Variants in ARFIP1 observed in about 807,000 individuals in gnomAD.
The protein encoded by ARFIP1 is arfaptin-1.
In ARFIP1, 24 loss-of-function variants were observed where a neutral mutation model predicts 42.5. That is an observed-to-expected ratio of 0.57 (90% CI 0.41 to 0.80). ARFIP1 has a LOEUF of 0.80. Among genes scored for constraint, ARFIP1 ranks in the 30% least tolerant of loss-of-function variants. The pLI is 0.00. For missense variants in ARFIP1, 354 were observed against 434.0 expected (o/e 0.82, Z 1.64); for synonymous variants, 141 against 153.7 (o/e 0.92, Z 0.61).
chr4:152,879,097 A>T (rs1248022584), intron 5 of ARFIP1, among the ~76,000 whole-genome samples: 1 of 151,984 alleles, frequency 6.6e-6, no homozygotes, highest in Non-Finnish European at 1.5e-5. Context: ...GTAATACTTT[A>T]TCCCCTTCCG....
chr4:152,811,390 A>G (rs28493014), intron 1 of ARFIP1, among the ~76,000 whole-genome samples: 148,534 of 152,274 alleles, frequency 0.98, 72,506 homozygotes, highest in African/African-American at 1. Flanking sequence ...AGTGTGTGGT[A>G]TCTCTGAGGC....
chr4:152,794,275 G>T (rs779931709), intron 1 of ARFIP1, among the ~76,000 whole-genome samples: 8 of 152,122 alleles, frequency 5.3e-5, no homozygotes, highest in African/African-American at 1.9e-4. Context: ...CAATTTCTCC[G>T]TAGTCTCTTT....
At chr4:152,782,872 CT>C (rs530150369) in intron 1 of ARFIP1, among the ~76,000 whole-genome samples, 9 of 148,560 alleles carry the variant, frequency 6.1e-5, no homozygotes, top group African/African-American at 9.9e-5. Flanking sequence ...AGGTCTGATA[CT>C]TTTTTTTTTA....
chr4:152,878,783 C>G (rs1286296369), intron 5 of ARFIP1, among the ~76,000 whole-genome samples: 1 of 152,170 alleles, frequency 6.6e-6, no homozygotes, highest in Non-Finnish European at 1.5e-5. Flanking sequence ...GTACATTTCT[C>G]TCACTGTGCT....
chr4:152,847,124 CTTTTTTTTTTTTTT>C lies in ARFIP1; in HGVS notation c.94-16471_94-16458del, dbSNP rs771661005. Among the ~76,000 whole-genome samples, 19 of 40,556 alleles carry C rather than the reference CTTTTTTTTTTTTTT, an allele frequency of 4.7e-4. 1 individual carries two copies. The highest frequency in any genetic ancestry group is 8.5e-4 in the Non-Finnish European group (19 of 22,242). 26.6% of individuals were successfully genotyped at this position (40,556 alleles called of 152,430 possible). A position where few individuals can be genotyped will look rare whatever the true frequency, so the allele number is the denominator to read the frequency against. On this transcript the variant is annotated intron_variant, in intron 2 of 8. Coordinates refer to ENST00000353617, the MANE Select transcript of ARFIP1 (RefSeq NM_001025595.3). ...GTATGTTAATGTTTTTAGGTTTGTT[CTTTTTTTTTTTTTT>C]TTTTTTTTTTGAGACAGAGTCTCAC...
Position 152,909,342 on chromosome 4 carries a change from G to C in ARFIP1, c.967-722G>C, listed in dbSNP as rs185681983. On this transcript the variant is annotated intron_variant, in intron 8 of 8. Transcript: ENST00000353617. ...AGAGGTTGCAGTGAGCCAAGATTGT[G>C]CCACTGCATAACAGCCTGGGTGACA... Among the ~76,000 whole-genome samples the C allele has an allele frequency of 2.8e-3, 425 of 152,254 alleles. 11 individuals carry two copies. Among genetic ancestry groups the C allele is most frequent in the Admixed American group, 0.026 (399 of 15,280 alleles).
At chr4:152,848,349 C>T (rs531446633) in intron 2 of ARFIP1, among the ~76,000 whole-genome samples, 19 of 152,186 alleles carry the variant, frequency 1.2e-4, no homozygotes, top group Admixed American at 4.6e-4. Flanking sequence ...CACGTAAGAA[C>T]GAGGACGAGG....
intron 1 of ARFIP1, among the ~76,000 whole-genome samples, chr4:152,823,032 A>G (rs554146396): frequency 1.3e-5 from 2 of 152,340 alleles, no homozygotes; most frequent in South Asian, 4.1e-4. Flanking sequence ...AGCTAGCAGA[A>G]GAAAAATAAC....
chr4:152,807,683 C>T (rs1322445392), intron 1 of ARFIP1, among the ~76,000 whole-genome samples: 1 of 149,844 alleles, frequency 6.7e-6, no homozygotes, highest in Non-Finnish European at 1.5e-5. Context: ...GATATTGTAA[C>T]TGATTTTCTC....
chr4:152,904,198 ATT>A (rs36092561), intron 8 of ARFIP1, among the ~76,000 whole-genome samples: 1 of 126,682 alleles, frequency 7.9e-6, no homozygotes, highest in Non-Finnish European at 1.6e-5. Context: ...ATATATATAT[ATT>A]TTTTTTTTTT....
chr4:152,885,671 G>A (rs936227401), intron 7 of ARFIP1, among the ~76,000 whole-genome samples: 1 of 151,888 alleles, frequency 6.6e-6, no homozygotes, highest in African/African-American at 2.4e-5. Flanking sequence ...TATAAGGTCA[G>A]TATTATAACT....
intron 1 of ARFIP1, among the ~76,000 whole-genome samples, chr4:152,813,689 C>G (rs1561116196): frequency 2.0e-5 from 3 of 152,074 alleles, no homozygotes; most frequent in South Asian, 4.2e-4. Context: ...CCTTTTAGGT[C>G]CATATTTTCC....
intron 2 of ARFIP1, among the ~76,000 whole-genome samples, chr4:152,856,688 G>A (rs927700538): frequency 1.3e-5 from 2 of 152,156 alleles, no homozygotes; most frequent in Non-Finnish European, 2.9e-5. Context: ...TATGTTGTTT[G>A]TGTTCAGATG....
At chr4:152,806,062 G>C (rs1728973121) in intron 1 of ARFIP1, among the ~76,000 whole-genome samples, 1 of 152,184 alleles carries the variant, frequency 6.6e-6, no homozygotes, top group Non-Finnish European at 1.5e-5. Context: ...TGCCTGTATT[G>C]CTATTTTAAA....
chr4:152,826,677 T>A (rs1004551828), intron 1 of ARFIP1, among the ~76,000 whole-genome samples: 1 of 152,120 alleles, frequency 6.6e-6, no homozygotes, highest in Non-Finnish European at 1.5e-5. Flanking sequence ...TAATACTACT[T>A]CTGGGTGTAT....
chr4:152,871,340 C>A (rs1004903863), intron 4 of ARFIP1, among the ~76,000 whole-genome samples: 2 of 152,138 alleles, frequency 1.3e-5, no homozygotes, highest in Non-Finnish European at 1.5e-5. Flanking sequence ...CAGTTATACC[C>A]AATGAAAAAT....
chr4:152,896,546 TC>T (rs1737345731), intron 8 of ARFIP1, among the ~76,000 whole-genome samples: 1 of 152,058 alleles, frequency 6.6e-6, no homozygotes, highest in Non-Finnish European at 1.5e-5. Context: ...GAATGTATAA[TC>T]ATATTTTCTT....
At chr4:152,860,372 TA>T (rs977358606) in intron 2 of ARFIP1, among the ~76,000 whole-genome samples, 92 of 152,312 alleles carry the variant, frequency 6.0e-4, no homozygotes, top group African/African-American at 2.1e-3. Context: ...TGCTAGGTAT[TA>T]TTTTTTTGAA....
chr4:152,792,548 A>C (rs940906764), intron 1 of ARFIP1, among the ~76,000 whole-genome samples: 4 of 152,098 alleles, frequency 2.6e-5, no homozygotes, highest in African/African-American at 9.7e-5. Flanking sequence ...AGCTCCCATT[A>C]TGATTTATGT....
Sources: gnomAD v4.1 joint callset for allele counts (sites outside exome capture counted in the v4.1 genomes callset) on GRCh38, gnomAD v4.1.1 for gene constraint, MANE v1.5 for transcripts, NCBI Gene and HGNC (gene_info 2026-07-23, HGNC 2026-07-21) for gene names.